SCN9A: variants seen among roughly 807,000 people sequenced by gnomAD.
SCN9A encodes sodium channel protein type 9 subunit alpha.
Under a neutral mutation model 187.0 loss-of-function variants are expected in SCN9A, and 131 were observed. The ratio of observed to expected loss-of-function variants is 0.70; its 90% confidence interval spans 0.61 to 0.81. SCN9A has a LOEUF of 0.81. SCN9A is among the 30% of genes least tolerant of loss of function. SCN9A has a pLI of 0.00. For synonymous variants in SCN9A, 809 were observed against 808.6 expected (o/e 1.00, Z -0.01); for missense variants, 2,252 against 2,396.6 (o/e 0.94, Z 1.26).
intron 26 of SCN9A, among the ~76,000 whole-genome samples, 195 bp from the exon 27 acceptor site, chr2:166,200,059 G>A (rs1242626839): frequency 1.6e-5 from 2 of 125,616 alleles, no homozygotes; most frequent in African/African-American, 3.1e-5. Context: ...GTGCAGTGGC[G>A]CGATCTCGGC....
In SCN9A at chr2:166,288,586, C is replaced by A; in HGVS notation, c.1165G>T (p.Gly389Cys). Residue 389 changes from glycine (G) to cysteine (C), a missense_variant, in exon 10 of 27, where the codon GGC becomes TGC. Coordinates refer to ENST00000642356, the MANE Select transcript of SCN9A (RefSeq NM_001365536.1). ...MIFFVVVIFL[G>C]SFYLINLILA... ...ATCAAGTTTATTAGATAAAAGGAGC[C>A]CAGGAAAATCACTACGACAAAGAAG... 6.2e-7 allele frequency: 1 copy of A among 1,611,046 alleles called. No homozygotes were observed.
intron 1 of SCN9A, among the ~76,000 whole-genome samples, chr2:166,347,724 C>T (rs1385813362): frequency 6.6e-6 from 1 of 152,050 alleles, no homozygotes; most frequent in African/African-American, 2.4e-5. Flanking sequence ...TAAATGATGA[C>T]ACGGAAAACA....
chr2:166,283,454 G>A (rs1473541311), intron 12 of SCN9A, among the ~76,000 whole-genome samples: 1 of 152,144 alleles, frequency 6.6e-6, no homozygotes. Context: ...AGCTTATTGG[G>A]TTAGTCAAAG....
At chr2:166,200,236 A>T (rs1343177953) in intron 26 of SCN9A, among the ~76,000 whole-genome samples, 1 of 151,086 alleles carries the variant, frequency 6.6e-6, no homozygotes, top group African/African-American at 2.4e-5. Flanking sequence ...TGACCTCGTG[A>T]TCCGCCCGCC....
chr2:166,227,287 C>A (rs1322006950), intron 23 of SCN9A, among the ~76,000 whole-genome samples: 1 of 152,082 alleles, frequency 6.6e-6, no homozygotes, highest in Non-Finnish European at 1.5e-5. Context: ...TTTAGTAATG[C>A]CAGCCTGCAC....
chr2:166,355,975 G>A (rs1460673422), intron 1 of SCN9A, among the ~76,000 whole-genome samples: 1 of 152,114 alleles, frequency 6.6e-6, no homozygotes, highest in African/African-American at 2.4e-5. Context: ...GTTTCACCAT[G>A]TTGGCCAGGA....
At chr2:166,268,341 T>C (rs1696831325) in intron 17 of SCN9A, among the ~76,000 whole-genome samples, 1 of 151,810 alleles carries the variant, frequency 6.6e-6, no homozygotes, top group African/African-American at 2.4e-5. Flanking sequence ...AAATTAGGAG[T>C]TACTTTCTAT....
At chr2:166,324,861 G>A (rs1699326923) in intron 1 of SCN9A, among the ~76,000 whole-genome samples, 1 of 152,194 alleles carries the variant, frequency 6.6e-6, no homozygotes, top group South Asian at 2.1e-4. Context: ...AAGGTGATAT[G>A]ATGGTATGAT....
intron 26 of SCN9A, among the ~76,000 whole-genome samples, chr2:166,201,455 CTA>C (rs1160235357): frequency 6.3e-5 from 8 of 127,404 alleles, no homozygotes; most frequent in East Asian, 2.2e-4. Flanking sequence ...TATGCGTATA[CTA>C]TATATATAGT....
intron 25 of SCN9A, 64 bp downstream of exon 25, chr2:166,204,296 G>A: frequency 6.4e-7 from 1 of 1,552,726 alleles, no homozygotes; most frequent in East Asian, 2.3e-5. Flanking sequence ...TTAAAGATGT[G>A]CATTAAAAAT....
chr2:166,240,196 A>C (rs1695503840), intron 19 of SCN9A, among the ~76,000 whole-genome samples: 1 of 152,212 alleles, frequency 6.6e-6, no homozygotes, highest in African/African-American at 2.4e-5. Flanking sequence ...GTTGTTTGAA[A>C]ATTAAATGAG....
chr2:166,208,288 A>G (rs1354158493), intron 24 of SCN9A, among the ~76,000 whole-genome samples: 2 of 152,112 alleles, frequency 1.3e-5, no homozygotes, highest in African/African-American at 4.8e-5. Flanking sequence ...TCCTTGGGTA[A>G]GTTTCTTAAT....
intron 18 of SCN9A, among the ~76,000 whole-genome samples, chr2:166,246,972 A>G (rs1695815869): frequency 6.6e-6 from 1 of 151,992 alleles, no homozygotes; most frequent in African/African-American, 2.4e-5. Flanking sequence ...GCTGGTTAGC[A>G]ATGTTATCAT....
chr2:166,293,208 TG>T, intron 9 of SCN9A, 22 bp downstream of exon 9: 2 of 1,566,478 alleles, frequency 1.3e-6, no homozygotes, highest in Non-Finnish European at 1.7e-6. Flanking sequence ...AAAAATACAA[TG>T]CATGTTTCTC....
intron 9 of SCN9A, among the ~76,000 whole-genome samples, chr2:166,290,765 G>T (rs6728078): frequency 6.6e-6 from 1 of 151,792 alleles, no homozygotes; most frequent in African/African-American, 2.4e-5. Context: ...GGGATGCAAG[G>T]CTGGTTCAAT....
At chr2:166,203,010 T>C (rs1693618119) in intron 26 of SCN9A, among the ~76,000 whole-genome samples, 1 of 151,776 alleles carries the variant, frequency 6.6e-6, no homozygotes. Flanking sequence ...GCACACTCTT[T>C]TTTTTTTCCT....
At position 166,197,606 on chromosome 2, in the gene SCN9A, C is replaced by T. The variant is rs189245459; in HGVS notation, c.*1066G>A. On this transcript the variant is annotated 3_prime_UTR_variant, in exon 27 of 27. Coordinates refer to ENST00000642356, the MANE Select transcript of SCN9A (RefSeq NM_001365536.1). ...AGCTTGCCAAACACGGGATTGTATA[C>T]AAGTGATGCAATAAATACTGTGCCC... 1 of 152,204 alleles carries T rather than the reference C, an allele frequency of 6.6e-6. No individual in the cohort carries two copies. Among genetic ancestry groups the T allele is most frequent in the East Asian group, 1.9e-4 (1 of 5,182 alleles). The allele number at this position is 152,204 out of a possible 1,614,324, so 9.4% of individuals were successfully genotyped here. A position where few individuals can be genotyped will look rare whatever the true frequency, so the allele number is the denominator to read the frequency against.
chr2:166,206,102 G>A (rs1693790311), intron 24 of SCN9A, among the ~76,000 whole-genome samples: 1 of 152,192 alleles, frequency 6.6e-6, no homozygotes, highest in Non-Finnish European at 1.5e-5. Flanking sequence ...GGAAGACAGT[G>A]TGATGATTCC....
At chr2:166,206,065 G>A (rs943353190) in intron 24 of SCN9A, among the ~76,000 whole-genome samples, 3 of 152,188 alleles carry the variant, frequency 2.0e-5, no homozygotes, top group African/African-American at 7.2e-5. Context: ...CACTGTTGGT[G>A]AGAGTGTAAA....
Sources: allele counts gnomAD v4.1 joint callset (sites outside exome capture counted in the v4.1 genomes callset), GRCh38; gene constraint gnomAD v4.1.1; transcripts MANE v1.5; gene names NCBI Gene and HGNC (gene_info 2026-07-23, HGNC 2026-07-21).